GIT2: variants seen among roughly 807,000 people sequenced by gnomAD.
GIT2 encodes GIT ArfGAP 2.
Under a neutral mutation model 100.3 loss-of-function variants are expected in GIT2, and 32 were observed. That is an observed-to-expected ratio of 0.32 (90% confidence interval 0.24 to 0.43). The LOEUF (loss-of-function observed/expected upper bound fraction) is 0.43, where lower values mean the gene tolerates loss of function less well. Ranked by LOEUF, GIT2 falls within the 20% of genes least tolerant of loss-of-function variation. GIT2 has a pLI of 1.00. For missense variants in GIT2, 737 were observed against 975.1 expected (o/e 0.76, Z 3.25); for synonymous variants, 353 against 364.1 (o/e 0.97, Z 0.35).
Position 109,931,873 on chromosome 12 carries a change from C to G in GIT2, c.*1105G>C, listed in dbSNP as rs1243319171. The G allele has an allele frequency of 6.6e-6, 1 of 152,242 alleles. No individual in the cohort carries two copies. Among genetic ancestry groups the G allele is most frequent in the Non-Finnish European group, 1.5e-5 (1 of 68,064 alleles). The allele number at this position is 152,242 out of a possible 1,614,324, so 9.4% of individuals were successfully genotyped here. On this transcript the variant is annotated 3_prime_UTR_variant, in exon 20 of 20. Transcript: ENST00000355312. ...CAGCTAGAGCACACTCTCTAAGGAA[C>G]TCTTGAAAGTTGATGTCTAATTTTT...
chr12:109,936,718 A>G (rs1873111433), intron 18 of GIT2, among the ~76,000 whole-genome samples: 1 of 152,132 alleles, frequency 6.6e-6, no homozygotes. Context: ...AAATACAAAA[A>G]AATTAGCTGG....
Position 109,961,323 on chromosome 12 carries a change from G to A in GIT2, c.942C>T (p.Val314=), listed in dbSNP as rs150752035. The change falls in exon 11 of 20, where the codon GTC becomes GTT. Residue 314 remains valine (V), a synonymous_variant. Transcript: ENST00000355312. ...HSALVTETTV[V]PFLPVNPEYS... The stretch of plus-strand genomic sequence containing the variant: ...ACTCAGGATTGACCGGAAGAAAGGG[G>A]ACGACCGTTGTCTCGGTTACCAGGG... The A allele has an allele frequency of 8.1e-6, 13 of 1,613,672 alleles. No individual in the cohort carries two copies. The East Asian group carries it at 2.9e-4, about 36-fold the overall frequency.
At chr12:109,961,980 T>C (rs1881206905) in intron 9 of GIT2, among the ~76,000 whole-genome samples, 1 of 152,214 alleles carries the variant, frequency 6.6e-6, no homozygotes, top group Admixed American at 6.5e-5. Flanking sequence ...TCTACTCTTC[T>C]TGTGATATCA....
chr12:109,938,402 C>T lies in GIT2; in HGVS notation c.1981G>A (p.Ala661Thr). ...TACCTGTCATGTTTATTTTCTTGGG[C>T]TGCTCTTAAGAGCTCCTGTATGTTT... ...TKNIQELLRAAQENKHDSYIP... is the reference protein window; with the variant it reads ...TKNIQELLRATQENKHDSYIP... The change falls in exon 18 of 20, where the codon GCC becomes ACC. Residue 661 changes from alanine to threonine, a missense_variant. By Grantham distance (58) the Ala-to-Thr change is moderately conservative (BLOSUM62 0). Coordinates refer to ENST00000355312, the MANE Select transcript of GIT2 (RefSeq NM_057169.5). 6.2e-7 allele frequency: 1 copy of T among 1,613,196 alleles called. No homozygotes were observed. Among genetic ancestry groups the T allele is most frequent in the South Asian group, 1.1e-5 (1 of 90,994 alleles).
chr12:109,969,612 T>C (rs1349049838), intron 7 of GIT2, among the ~76,000 whole-genome samples: 2 of 152,036 alleles, frequency 1.3e-5, no homozygotes, highest in Non-Finnish European at 2.9e-5. Flanking sequence ...AGTGGCATAG[T>C]CATAGCTCAC....
intron 14 of GIT2, among the ~76,000 whole-genome samples, chr12:109,950,252 C>T (rs1441621615): frequency 1.3e-5 from 2 of 152,212 alleles, no homozygotes; most frequent in Non-Finnish European, 2.9e-5. Context: ...TCCAGGCACA[C>T]ATGGAGTGTG....
chr12:109,957,830 A>C (rs1276666281), intron 12 of GIT2, among the ~76,000 whole-genome samples: 2 of 152,122 alleles, frequency 1.3e-5, no homozygotes, highest in Non-Finnish European at 2.9e-5. Context: ...AGTTGCTTCT[A>C]ATGTTTGTGT....
At chr12:109,937,473 A>G (rs2136150855) in intron 18 of GIT2, among the ~76,000 whole-genome samples, 1 of 152,266 alleles carries the variant, frequency 6.6e-6, no homozygotes, top group Admixed American at 6.5e-5. Context: ...TGGTTTAGCT[A>G]ATGTTTTATG....
Position 109,930,968 on chromosome 12 carries a change from T to G in GIT2, c.*2010A>C, listed in dbSNP as rs1239951408. ...GGAGCATCCAACAGCAATGTGGCAC[T>G]TAGGGCTGTGGGACAAACAAGTGGA... On this transcript the variant is annotated 3_prime_UTR_variant, in exon 20 of 20. Transcript: ENST00000355312. 4 of 152,174 alleles carry G rather than the reference T, an allele frequency of 2.6e-5. No homozygotes were observed. The highest frequency in any genetic ancestry group is 5.9e-5 in the Non-Finnish European group (4 of 68,046). 9.4% of individuals were successfully genotyped at this position (152,174 alleles called of 1,614,324 possible).
chr12:109,946,741 G>C (rs61373969), intron 15 of GIT2, among the ~76,000 whole-genome samples: 2 of 151,984 alleles, frequency 1.3e-5, no homozygotes, highest in African/African-American at 4.8e-5. Flanking sequence ...GAGAGGCTGC[G>C]GAAGCCTGGA....
Position 109,962,770 on chromosome 12 carries a change from G to A in GIT2, c.817-1085C>T, listed in dbSNP as rs1881399303. On this transcript the variant is annotated intron_variant, in intron 9 of 19. Transcript: ENST00000355312. This position sits in a 1 kb window ranked among gnomAD's most constrained non-coding sequence, Gnocchi z 4.3. ...ATTGGGTTCCTTACATCCACACATG[G>A]TACCTCACACTTTAAAAGTGGCCAG... 6.6e-6 allele frequency among the ~76,000 whole-genome samples: 1 copy of A among 152,212 alleles called. No homozygotes were observed. Among genetic ancestry groups the A allele is most frequent in the African/African-American group, 2.4e-5 (1 of 41,448 alleles).
Position 109,932,973 on chromosome 12 carries a change from C to T in GIT2, c.*5G>A, listed in dbSNP as rs754739206. The T allele has an allele frequency of 6.4e-6, 10 of 1,569,796 alleles. No individual in the cohort carries two copies. Among genetic ancestry groups the T allele is most frequent in the Non-Finnish European group, 8.8e-6 (10 of 1,140,568 alleles). ...GAAAACAGAGGAGGCGGTGCCCTGC[C>T]CTTGTCAGTTGTTGTTCTCTTTGGT... On this transcript the variant is annotated 3_prime_UTR_variant, in exon 20 of 20. Transcript: ENST00000355312.
At chr12:109,999,760 G>C, upstream of GIT2, 1 of 1,530,966 alleles carries the variant, frequency 6.5e-7, no homozygotes, top group Non-Finnish European at 8.8e-7. The surrounding 1 kb of genome is among the most constrained non-coding windows in gnomAD (Gnocchi z 4.3). Context: ...ACTACCGGCA[G>C]CTCGAGAAGG....
upstream of GIT2, chr12:109,996,445 A>C (rs2137047398): frequency 1.9e-6 from 1 of 520,672 alleles, no homozygotes; most frequent in East Asian, 3.5e-5. Context: ...CCTTGTCGCC[A>C]TCTTGAGTGA....
In GIT2 at chr12:109,980,900, T is replaced by C. The variant is rs368137470; in HGVS notation, c.718+52A>G. On this transcript the variant is annotated intron_variant, in intron 7 of 19. Transcript: ENST00000355312. ...AACAAATAGTGTCCCAACTTGTTTT[T>C]CTAGAACCTTCCCAACTGGAGATGT... 1,432 of 1,141,906 alleles carry C rather than the reference T, an allele frequency of 1.3e-3. 4 individuals carry two copies. Among genetic ancestry groups the C allele is most frequent in the Middle Eastern group, 4.1e-3 (21 of 5,124 alleles). 70.7% of individuals were successfully genotyped at this position (1,141,906 alleles called of 1,614,324 possible).
At chr12:109,949,403 C>G (rs1877228721) in intron 14 of GIT2, among the ~76,000 whole-genome samples, 1 of 152,250 alleles carries the variant, frequency 6.6e-6, no homozygotes, top group South Asian at 2.1e-4. Flanking sequence ...TTTATCCTAA[C>G]ACTTTTCATG....
At chr12:109,959,457 G>C (rs1421388402) in intron 12 of GIT2, among the ~76,000 whole-genome samples, 1 of 152,164 alleles carries the variant, frequency 6.6e-6, no homozygotes, top group African/African-American at 2.4e-5. Flanking sequence ...GGTAGGTTAA[G>C]TGTCCCAAAA....
At chr12:109,953,422 C>A in intron 12 of GIT2, 188 bp from the exon 13 acceptor site, 1 of 582,520 alleles carries the variant, frequency 1.7e-6, no homozygotes, top group Non-Finnish European at 3.1e-6. Context: ...AGTTTGAGAC[C>A]TACCTAGGCA....
At position 109,945,386 on chromosome 12, in the gene GIT2, A is replaced by G. The variant is rs771084584; in HGVS notation, c.1642-37T>C. The G allele has an allele frequency of 8.8e-6, 9 of 1,019,048 alleles. No homozygotes were observed. The East Asian group carries it at 1.5e-4, about 17-fold the overall frequency. 63.1% of individuals were successfully genotyped at this position (1,019,048 alleles called of 1,614,324 possible). On this transcript the variant is annotated intron_variant, in intron 15 of 19. Coordinates refer to ENST00000355312, the MANE Select transcript of GIT2 (RefSeq NM_057169.5). ...AAGAGAAACACACTCGGGAAAATAC[A>G]AAACAAACCAAAAACCTACCACCTT...
Sources: allele counts gnomAD v4.1 joint callset (sites outside exome capture counted in the v4.1 genomes callset), GRCh38; gene constraint gnomAD v4.1.1; non-coding constraint Gnocchi (gnomAD v3.1); transcripts MANE v1.5; gene names NCBI Gene and HGNC (gene_info 2026-07-23, HGNC 2026-07-21).